RAPGEF2: variants seen among roughly 807,000 people sequenced by gnomAD.
RAPGEF2 encodes Rap guanine nucleotide exchange factor 2, also known as PDZ domain containing guanine nucleotide exchange factor (GEF) 1.
Under a neutral mutation model 186.7 loss-of-function variants are expected in RAPGEF2, and 54 were observed. The ratio of observed to expected loss-of-function variants is 0.29; its 90% CI spans 0.23 to 0.36. The LOEUF is 0.36. Ranked by LOEUF, RAPGEF2 falls within the 10% of genes least tolerant of loss-of-function variation. RAPGEF2 has a pLI of 1.00. For synonymous variants in RAPGEF2, 712 were observed against 705.9 expected (o/e 1.01, Z -0.14); for missense variants, 1,532 against 2,045.0 (o/e 0.75, Z 4.84).
At chr4:159,211,836 A>C (rs1750560522) in intron 4 of RAPGEF2, among the ~76,000 whole-genome samples, 1 of 152,132 alleles carries the variant, frequency 6.6e-6, no homozygotes, top group African/African-American at 2.4e-5. Flanking sequence ...TGAGGGAGGG[A>C]CACTCTATTG....
At chr4:159,258,593 C>G (rs940105457) in intron 7 of RAPGEF2, among the ~76,000 whole-genome samples, 1 of 152,042 alleles carries the variant, frequency 6.6e-6, no homozygotes. Flanking sequence ...TGAAAACTTA[C>G]ATAGTTTGAT....
intron 19 of RAPGEF2, 43 bp downstream of exon 19, chr4:159,339,397 G>A (rs546165514): frequency 4.4e-6 from 7 of 1,582,248 alleles, no homozygotes; most frequent in Admixed American, 1.7e-5. Flanking sequence ...TCCCCTCTTC[G>A]AACCCACATC....
At chr4:159,275,394 T>G (rs1417485457) in intron 7 of RAPGEF2, among the ~76,000 whole-genome samples, 1 of 152,186 alleles carries the variant, frequency 6.6e-6, no homozygotes, top group South Asian at 2.1e-4. Flanking sequence ...CATTCTTCTT[T>G]AATGAACTCT....
intron 1 of RAPGEF2, among the ~76,000 whole-genome samples, chr4:159,136,095 A>G: frequency 6.6e-6 from 1 of 152,146 alleles, no homozygotes; most frequent in Non-Finnish European, 1.5e-5. Context: ...ATTTTCCACT[A>G]ATGTTTTCTT....
intron 1 of RAPGEF2, among the ~76,000 whole-genome samples, chr4:159,120,585 G>C (rs1739565505): frequency 6.6e-6 from 1 of 152,132 alleles, no homozygotes; most frequent in African/African-American, 2.4e-5. Flanking sequence ...TTAATGTTTT[G>C]TAGTGGGATC....
chr4:159,351,546 G>T (rs1731173460), intron 26 of RAPGEF2, among the ~76,000 whole-genome samples: 1 of 152,088 alleles, frequency 6.6e-6, no homozygotes, highest in South Asian at 2.1e-4. Context: ...AATTTGCATT[G>T]CATATAAGAT....
At chr4:159,267,713 T>C in intron 7 of RAPGEF2, 2 of 1,006,014 alleles carry the variant, frequency 2.0e-6, no homozygotes, top group Non-Finnish European at 2.4e-6. Context: ...CTGGTTCTTA[T>C]ACCACCCTGA....
chr4:159,227,741 G>A (rs1441720387), intron 4 of RAPGEF2, among the ~76,000 whole-genome samples: 1 of 152,206 alleles, frequency 6.6e-6, no homozygotes, highest in Non-Finnish European at 1.5e-5. Context: ...CCCCAATACA[G>A]CTGAGGTAAG....
chr4:159,226,707 T>TA (rs1752072586), intron 4 of RAPGEF2, among the ~76,000 whole-genome samples: 1 of 152,216 alleles, frequency 6.6e-6, no homozygotes, highest in African/African-American at 2.4e-5. Context: ...ATTGTATTTA[T>TA]TCCTCAGTAT....
intron 4 of RAPGEF2, among the ~76,000 whole-genome samples, chr4:159,237,149 T>C (rs899451270): frequency 1.3e-5 from 2 of 152,068 alleles, no homozygotes; most frequent in African/African-American, 4.8e-5. Flanking sequence ...ACTTCCTGAG[T>C]AGCTGGGACT....
intron 1 of RAPGEF2, among the ~76,000 whole-genome samples, chr4:159,142,778 G>T (rs1195220288): frequency 6.6e-6 from 1 of 152,022 alleles, no homozygotes; most frequent in Non-Finnish European, 1.5e-5. Flanking sequence ...GATAGTTTCT[G>T]TGTGCCAGGC....
intron 1 of RAPGEF2, among the ~76,000 whole-genome samples, chr4:159,126,793 G>C (rs995688418): frequency 1.1e-4 from 17 of 152,034 alleles, no homozygotes; most frequent in African/African-American, 4.1e-4. Context: ...TGCTGTTATA[G>C]ACCTGTTTAT....
At chr4:159,306,208 A>G (rs1763276861) in intron 8 of RAPGEF2, among the ~76,000 whole-genome samples, 1 of 151,868 alleles carries the variant, frequency 6.6e-6, no homozygotes, top group Admixed American at 6.6e-5. Flanking sequence ...CAATCTGTAT[A>G]TTGCTTTAGG....
At chr4:159,189,249 G>A (rs970872543) in intron 2 of RAPGEF2, among the ~76,000 whole-genome samples, 2 of 152,154 alleles carry the variant, frequency 1.3e-5, no homozygotes, top group Non-Finnish European at 2.9e-5. Flanking sequence ...GTTCTCCTGT[G>A]GGGGAGTGGA....
chr4:159,193,233 C>G lies in RAPGEF2; in HGVS notation c.174C>G (p.His58Gln), dbSNP rs779090343. ...GTGAAACTGTGAGATATGAGAGACA[C>G]GAAGCAAATGAAGTTTTATACTAGT... ...LMCETVRYERHEANEVLYYPD... is the reference protein window; with the variant it reads ...LMCETVRYERQEANEVLYYPD... The change falls in exon 3 of 30, where the codon CAC (histidine) becomes CAG (glutamine). Residue 58 changes from histidine to glutamine, a missense_variant. Physicochemically the swap from His to Gln is conservative, Grantham distance 24. This residue lies in a region of RAPGEF2 where 810 missense variants were observed against 1,210.5 expected (regional missense o/e 0.67). Coordinates refer to ENST00000691494, the MANE Select transcript of RAPGEF2 (RefSeq NM_001394067.2). The G allele has an allele frequency of 2.7e-6, 4 of 1,502,084 alleles. No homozygotes were observed. Among genetic ancestry groups the G allele is most frequent in the Admixed American group, 2.2e-5 (1 of 46,462 alleles). 93.0% of individuals were successfully genotyped at this position (1,502,084 alleles called of 1,614,324 possible).
At chr4:159,314,097 G>A (rs1764261632) in intron 8 of RAPGEF2, among the ~76,000 whole-genome samples, 1 of 152,126 alleles carries the variant, frequency 6.6e-6, no homozygotes. Context: ...CCAACTAATT[G>A]TTAATGTTTC....
At chr4:159,197,847 T>G (rs1442689891) in intron 3 of RAPGEF2, among the ~76,000 whole-genome samples, 1 of 152,226 alleles carries the variant, frequency 6.6e-6, no homozygotes, top group Non-Finnish European at 1.5e-5. Context: ...TCAAACACCC[T>G]AATTTATCTG....
chr4:159,211,843 A>G (rs911809611), intron 4 of RAPGEF2, among the ~76,000 whole-genome samples: 1 of 152,170 alleles, frequency 6.6e-6, no homozygotes, highest in African/African-American at 2.4e-5. Context: ...GGGACACTCT[A>G]TTGCCTGCTT....
At chr4:159,123,916 C>T (rs1373258889) in intron 1 of RAPGEF2, among the ~76,000 whole-genome samples, 2 of 152,052 alleles carry the variant, frequency 1.3e-5, no homozygotes, top group Non-Finnish European at 2.9e-5. Flanking sequence ...AGTGCAGTGG[C>T]GTGTTCTCGT....
Sources: gnomAD v4.1 joint callset for allele counts (sites outside exome capture counted in the v4.1 genomes callset) on GRCh38, gnomAD v4.1.1 for gene constraint, gnomAD v4.1.1 regional missense constraint, MANE v1.5 for transcripts, NCBI Gene and HGNC (gene_info 2026-07-23, HGNC 2026-07-21) for gene names.